Variants in MAPKAPK5 observed in about 807,000 individuals in gnomAD.
The protein encoded by MAPKAPK5 is MAPK activated protein kinase 5.
MAPKAPK5 carries 30 observed loss-of-function variants against 65.1 expected under a neutral mutation model. The ratio of observed to expected loss-of-function variants is 0.46; its 90% CI spans 0.34 to 0.63. MAPKAPK5 has a LOEUF of 0.63. Among genes scored for constraint, MAPKAPK5 ranks in the 20% least tolerant of loss-of-function variants. The pLI is 0.01. For missense variants in MAPKAPK5, 433 were observed against 581.4 expected, an observed-to-expected ratio of 0.74 and a Z score of 2.63; for synonymous variants, 179 against 204.6, an observed-to-expected ratio of 0.87 and a Z score of 1.07.
intron 1 of MAPKAPK5, among the ~76,000 whole-genome samples, chr12:111,855,812 T>C (rs79453676): frequency 0.19 from 29,226 of 150,514 alleles, 3,058 homozygotes; most frequent in Middle Eastern, 0.27. Flanking sequence ...GGTGACAAAG[T>C]GAGACTCCAT....
chr12:111,854,137 G>GA (rs1340633205), intron 1 of MAPKAPK5, among the ~76,000 whole-genome samples: 5 of 151,986 alleles, frequency 3.3e-5, no homozygotes, highest in African/African-American at 1.2e-4. Context: ...GTTTTGGTAT[G>GA]AATGTAATGC....
chr12:111,888,122 C>T (rs1018530304), intron 10 of MAPKAPK5: 10 of 225,928 alleles, frequency 4.4e-5, no homozygotes, highest in Non-Finnish European at 6.2e-5. Flanking sequence ...GAATCAATAC[C>T]GTCTGTAAGG....
chr12:111,867,073 GC>G (rs2069638746), intron 3 of MAPKAPK5, among the ~76,000 whole-genome samples: 5 of 152,072 alleles, frequency 3.3e-5, no homozygotes, highest in Admixed American at 2.6e-4. Context: ...GGGACCACAG[GC>G]ATTTGCCACC....
chr12:111,881,084 G>GT (rs1419643630), intron 8 of MAPKAPK5, among the ~76,000 whole-genome samples: 1 of 151,466 alleles, frequency 6.6e-6, no homozygotes, highest in African/African-American at 2.4e-5. Context: ...TTTTTTTGTT[G>GT]TTTTTTTGAG....
At chr12:111,852,228 CAGAA>C (rs925445549) in intron 1 of MAPKAPK5, among the ~76,000 whole-genome samples, 4 of 152,068 alleles carry the variant, frequency 2.6e-5, no homozygotes, top group African/African-American at 4.8e-5. Flanking sequence ...AAAAGTCAGA[CAGAA>C]ATGAGGATGT....
rs2068739682 is a variant in MAPKAPK5, at chr12:111,842,292, C to T, written c.-442C>T. The T allele has an allele frequency of 6.5e-6, 1 of 154,456 alleles. No homozygotes were observed. The highest frequency in any genetic ancestry group is 1.4e-5 in the Non-Finnish European group (1 of 69,764). The allele number at this position is 154,456 out of a possible 1,614,324, so 9.6% of individuals were successfully genotyped here. ...GCGGCGCCGAGCTCTGCTTCGGCTT[C>T]GGCTTCGGCTTCGCGGCGGTGCAGG... is the stretch of plus-strand genomic sequence containing the variant. On this transcript the variant is annotated 5_prime_UTR_variant, in exon 1 of 14. Transcript: ENST00000550735.
At chr12:111,887,883 TG>T (rs2070463585) in intron 10 of MAPKAPK5, 2 of 150,110 alleles carry the variant, frequency 1.3e-5, no homozygotes, top group East Asian at 4.0e-4. Context: ...AGTACAAAAA[TG>T]GAAAAAAAAA....
chr12:111,870,968 G>T (rs922805698), intron 6 of MAPKAPK5, 117 bp from the exon 7 acceptor site: 2 of 688,014 alleles, frequency 2.9e-6, no homozygotes, highest in Non-Finnish European at 5.0e-6. Context: ...TCATAAGTTC[G>T]CATCTCAGCT....
rs933785514 is a variant in MAPKAPK5 at position 111,899,344 on chromosome 12, TAA to T, written c.*6285_*6286del. The T allele has an allele frequency of 2.0e-5, 3 of 153,410 alleles. No homozygotes were observed. The highest frequency in any genetic ancestry group is 1.9e-4 in the East Asian group (1 of 5,204). 9.5% of individuals were successfully genotyped at this position (153,410 alleles called of 1,614,324 possible). A position where few individuals can be genotyped will look rare whatever the true frequency, so the allele number is the denominator to read the frequency against. On this transcript the variant is annotated 3_prime_UTR_variant, in exon 14 of 14. Transcript: ENST00000550735. ...CAAGTGGCCTTGGAAGAGGCTAAGATAAAGTTTCAAACTTGGGCTCCACAGAA... is the reference window on the plus strand; with the variant it reads ...CAAGTGGCCTTGGAAGAGGCTAAGATAGTTTCAAACTTGGGCTCCACAGAA...
chr12:111,888,928 G>A lies in MAPKAPK5; in HGVS notation c.1144G>A (p.Gly382Arg). The A allele has an allele frequency of 6.2e-7, 1 of 1,613,344 alleles. No individual in the cohort carries two copies. Among genetic ancestry groups the A allele is most frequent in the Non-Finnish European group, 8.5e-7 (1 of 1,179,666 alleles). The change falls in exon 12 of 14, where the codon GGA becomes AGA. Residue 382 changes from glycine (G) to arginine (R), a missense_variant. Around this residue, in one of 3 missense-constraint regions of MAPKAPK5, gnomAD observed 169 missense variants for 215.6 expected, o/e 0.78. Coordinates refer to ENST00000550735, the MANE Select transcript of MAPKAPK5 (RefSeq NM_003668.4). ...TGTCTATATCCACGACCATGAGAAT[G>A]GAGCCGAGGATTCCAATGTTGCCTT... ...DSVYIHDHEN[G>R]AEDSNVALEK... is the part of the protein sequence containing the mutation.
rs1274226182 is a variant in MAPKAPK5 at position 111,881,402 on chromosome 12, C to CTTTTTTTTTTTTTTTTTTTTT, written c.660+875_660+876insTTTTTTTTTTTTTTTTTTTTT. Among the ~76,000 whole-genome samples, 152 of 116,718 alleles carry CTTTTTTTTTTTTTTTTTTTTT rather than the reference C, an allele frequency of 1.3e-3. 19 individuals carry two copies. The highest frequency in any genetic ancestry group is 2.1e-3 in the African/African-American group (64 of 30,130). The allele number at this position is 116,718 out of a possible 152,430, so 76.6% of individuals were successfully genotyped here. On this transcript the variant is annotated intron_variant, in intron 8 of 13. Transcript: ENST00000550735. ...AGCCCACATATTGATCCTGTCTGTT[C>CTTTTTTTTTTTTTTTTTTTTT]CTTTTTTTTTTTTTTTTTTTGAGAC...
chr12:111,859,652 C>CTTTTCTTTTTTTTTTTTTT (rs1555269112), intron 1 of MAPKAPK5, among the ~76,000 whole-genome samples: 1 of 106,132 alleles, frequency 9.4e-6, no homozygotes, highest in African/African-American at 3.8e-5. Context: ...CTTTGCTTTT[C>CTTTTCTTTTTTTTTTTTTT]TTTTTTTTTT....
rs545219794 is a variant in MAPKAPK5 at position 111,867,683 on chromosome 12, G to C, written c.284+14G>C. Reference sequence around the variant, plus strand: ...GTCCAGCCCTAGGTAAGACTACACAGTGTCATCATCAAATGCCCACATGTA... The same window carrying C: ...GTCCAGCCCTAGGTAAGACTACACACTGTCATCATCAAATGCCCACATGTA... On this transcript the variant is annotated intron_variant, in intron 4 of 13. Coordinates refer to ENST00000550735, the MANE Select transcript of MAPKAPK5 (RefSeq NM_003668.4). The C allele has an allele frequency of 6.3e-7, 1 of 1,597,538 alleles. No individual in the cohort carries two copies. Among genetic ancestry groups the C allele is most frequent in the Middle Eastern group, 1.7e-4 (1 of 6,034 alleles).
At chr12:111,870,199 AG>A in intron 5 of MAPKAPK5, 71 bp from the exon 6 acceptor site, 1 of 989,188 alleles carries the variant, frequency 1.0e-6, no homozygotes, top group South Asian at 1.8e-5. Context: ...TGACATCCTG[AG>A]TTCTCTACGC....
In MAPKAPK5 at chr12:111,896,233, G is replaced by T. The variant is rs1241777611; in HGVS notation, c.*3172G>T. On this transcript the variant is annotated 3_prime_UTR_variant, in exon 14 of 14. Transcript: ENST00000550735. The stretch of plus-strand genomic sequence containing the variant: ...GCTGAATTTTAGGTGCGATGGAAAA[G>T]GTATCCAAAGTGATACTCCCTTTGA... 6.6e-6 allele frequency: 1 copy of T among 152,094 alleles called. No homozygotes were observed. Among genetic ancestry groups the T allele is most frequent in the East Asian group, 1.9e-4 (1 of 5,196 alleles). The allele number at this position is 152,094 out of a possible 1,614,324, so 9.4% of individuals were successfully genotyped here.
rs765796109 is a variant in MAPKAPK5 at position 111,852,328 on chromosome 12, A to T, written c.36+9559A>T. The stretch of plus-strand genomic sequence containing the variant: ...CCTCTTCTACCTCTGCTGCCCCAAG[A>T]CAGCAAGACCAACCAACTCCTTTTC... On this transcript the variant is annotated intron_variant, in intron 1 of 13. Transcript: ENST00000550735. 2.6e-5 allele frequency among the ~76,000 whole-genome samples: 4 copies of T among 152,102 alleles called. No homozygotes were observed. The South Asian group carries it at 8.3e-4, about 32-fold the overall frequency.
Position 111,842,669 on chromosome 12 carries a change from G to T in MAPKAPK5, c.-65G>T. 2.4e-6 allele frequency: 3 copies of T among 1,269,528 alleles called. No homozygotes were observed. Among genetic ancestry groups the T allele is most frequent in the Non-Finnish European group, 3.0e-6 (3 of 987,396 alleles). 78.6% of individuals were successfully genotyped at this position (1,269,528 alleles called of 1,614,324 possible). ...CGAGTGCCGAGCCCTTTGCTCCCTC[G>T]GCCGCGCGGGGACAGGGCTGCTGAG... On this transcript the variant is annotated 5_prime_UTR_variant, in exon 1 of 14. Coordinates refer to ENST00000550735, the MANE Select transcript of MAPKAPK5 (RefSeq NM_003668.4).
Position 111,901,607 on chromosome 12 carries a change from C to A in MAPKAPK5, c.*8546C>A. The A allele has an allele frequency of 2.8e-5, 8 of 282,312 alleles. No homozygotes were observed. The highest frequency in any genetic ancestry group is 6.6e-4 in the Middle Eastern group (1 of 1,512). 17.5% of individuals were successfully genotyped at this position (282,312 alleles called of 1,614,324 possible). A position where few individuals can be genotyped will look rare whatever the true frequency, so the allele number is the denominator to read the frequency against. On this transcript the variant is annotated 3_prime_UTR_variant, in exon 14 of 14. Coordinates refer to ENST00000550735, the MANE Select transcript of MAPKAPK5 (RefSeq NM_003668.4). ...TCCACCACCGGCCCCAGAAATAAAG[C>A]CAGAAGCAGCAGAAGTGGCCACAGA...
At chr12:111,878,411 A>G (rs905818999) in intron 7 of MAPKAPK5, among the ~76,000 whole-genome samples, 1 of 136,230 alleles carries the variant, frequency 7.3e-6, no homozygotes, top group African/African-American at 2.7e-5. Flanking sequence ...TTTATTTATT[A>G]TTTATTTATT....
Sources: gnomAD v4.1 joint callset for allele counts (sites outside exome capture counted in the v4.1 genomes callset) on GRCh38, gnomAD v4.1.1 for gene constraint, gnomAD v4.1.1 regional missense constraint, MANE v1.5 for transcripts, NCBI Gene and HGNC (gene_info 2026-07-23, HGNC 2026-07-21) for gene names.